ARMC10: variants seen among roughly 807,000 people sequenced by gnomAD.
ARMC10 encodes the protein armadillo repeat containing 10, also known as armadillo repeat-containing protein 10.
Under a neutral mutation model 30.2 loss-of-function variants are expected in ARMC10, and 23 were observed. The observed-to-expected ratio is 0.76, with a 90% CI of 0.55 to 1.08. The LOEUF (loss-of-function observed/expected upper bound fraction) is 1.08, where lower values mean the gene tolerates loss of function less well. Among genes scored for constraint, ARMC10 ranks in the 50% least tolerant of loss-of-function variants. The pLI, the probability that ARMC10 is intolerant of heterozygous loss-of-function variation, is 0.00. For synonymous variants in ARMC10, 111 were observed against 164.4 expected (o/e 0.68, Z 2.48); for missense variants, 303 against 413.7 (o/e 0.73, Z 2.32).
rs1801994220 is a variant in ARMC10 at position 103,098,744 on chromosome 7, G to C, written c.*191G>C. On this transcript the variant is annotated 3_prime_UTR_variant, in exon 7 of 7. Coordinates refer to ENST00000323716, the MANE Select transcript of ARMC10 (RefSeq NM_031905.5). ...TGATGCCAAGTGAATATAAGAGCTT[G>C]TACTGAAACCATTTATTTCTTTCTA... 1.9e-5 allele frequency: 13 copies of C among 678,886 alleles called. No individual in the cohort carries two copies. In the South Asian group the frequency reaches 5.3e-4, roughly 28 times the overall value. 42.1% of individuals were successfully genotyped at this position (678,886 alleles called of 1,614,324 possible).
intron 2 of ARMC10, chr7:103,081,966 C>T: frequency 2.2e-6 from 1 of 456,288 alleles, no homozygotes; most frequent in Non-Finnish European, 4.4e-6. Flanking sequence ...CTACTAACTA[C>T]CCCTGTGACT....
rs956002093 is a variant in ARMC10 at position 103,092,540 on chromosome 7, G to A, written c.592G>A (p.Ala198Thr). The change falls in exon 5 of 7, where the codon GCT becomes ACT. Residue 198 changes from alanine to threonine, a missense_variant. Physicochemically the swap from Ala to Thr is moderately conservative, Grantham distance 58. Transcript: ENST00000323716. ...TCCTCTGAACTCTGCTGTGCAGCTG[G>A]CTGGACTGACATTGTTGACAAACAT... ...SGPLNSAVQL[A>T]GLTLLTNMTV... The A allele has an allele frequency of 3.1e-6, 5 of 1,610,224 alleles. No individual in the cohort carries two copies. The highest frequency in any genetic ancestry group is 2.5e-6 in the Non-Finnish European group (3 of 1,176,922).
intron 3 of ARMC10, among the ~76,000 whole-genome samples, chr7:103,085,606 C>CTTCTTTTT (rs1563322299): frequency 3.1e-5 from 4 of 130,550 alleles, no homozygotes; most frequent in Non-Finnish European, 5.0e-5. Flanking sequence ...CATTTCTCTT[C>CTTCTTTTT]TTTTTTTTTT....
At chr7:103,097,165 C>T in intron 5 of ARMC10, 112 bp from the exon 6 acceptor site, 1 of 858,292 alleles carries the variant, frequency 1.2e-6, no homozygotes, top group Non-Finnish European at 2.0e-6. Flanking sequence ...TTGAGCCAGG[C>T]CTGGAAGCTT....
chr7:103,079,728 T>C (rs1246531525), intron 2 of ARMC10, among the ~76,000 whole-genome samples: 1 of 152,238 alleles, frequency 6.6e-6, no homozygotes, highest in African/African-American at 2.4e-5. Flanking sequence ...CTTGTATACA[T>C]GCAGTAACAA....
intron 5 of ARMC10, chr7:103,096,926 A>G (rs1801804926): frequency 3.8e-6 from 1 of 263,036 alleles, no homozygotes; most frequent in African/African-American, 2.2e-5. Context: ...AATTAGGTTT[A>G]AATAACCGTG....
chr7:103,083,769 C>T lies in ARMC10; in HGVS notation c.332C>T (p.Pro111Leu), dbSNP rs1378225290. ...TACCTGCTGGAGTCAACGGAGGATC[C>T]TGTAATTATTGAAAGAGCTTTGATT... ...LLYLLESTEDPVIIERALITL... is the reference protein window; with the variant it reads ...LLYLLESTEDLVIIERALITL... The change falls in exon 3 of 7, where the codon CCT becomes CTT. Residue 111 changes from proline (P) to leucine (L), a missense_variant. Transcript: ENST00000323716. 1 of 1,614,140 alleles carries T rather than the reference C, an allele frequency of 6.2e-7. No homozygotes were observed. Among genetic ancestry groups the T allele is most frequent in the Non-Finnish European group, 8.5e-7 (1 of 1,179,972 alleles).
chr7:103,098,350 C>A lies in ARMC10; in HGVS notation c.829C>A (p.Leu277Ile). Residue 277 changes from leucine to isoleucine, a missense_variant, in exon 7 of 7, where the codon CTT (leucine) becomes ATT (isoleucine). Leu to Ile is a conservative substitution (Grantham distance 5). This residue lies in a region of ARMC10 where 26 missense variants were observed against 94.7 expected (regional missense o/e 0.27). Coordinates refer to ENST00000323716, the MANE Select transcript of ARMC10 (RefSeq NM_031905.5). ...LYDSHVAKEI[L>I]LRVLTLFQNI... ...TGACAGCCACGTAGCAAAGGAGATT[C>A]TTCTTCGAGTACTTACGCTATTTCA... 1 of 1,612,844 alleles carries A rather than the reference C, an allele frequency of 6.2e-7. No individual in the cohort carries two copies. Among genetic ancestry groups the A allele is most frequent in the South Asian group, 1.1e-5 (1 of 90,750 alleles).
intron 1 of ARMC10, 152 bp downstream of exon 1, chr7:103,075,563 C>A: frequency 9.7e-7 from 1 of 1,028,260 alleles, no homozygotes; most frequent in Non-Finnish European, 1.3e-6. Flanking sequence ...TGCGCCGCCC[C>A]CGCCGCCCCT....
chr7:103,086,619 T>TC lies in ARMC10; in HGVS notation c.394-7dup, dbSNP rs752848262. The TC allele has an allele frequency of 8.3e-6, 13 of 1,572,804 alleles. No individual in the cohort carries two copies. Among genetic ancestry groups the TC allele is most frequent in the South Asian group, 2.4e-5 (2 of 83,160 alleles). On this transcript the variant is annotated splice_polypyrimidine_tract_variant and intron_variant, in intron 3 of 6. Transcript: ENST00000323716. Reference sequence around the variant, plus strand: ...CCCAGTCCTGCTTTTTTTTTTTTTTTCCCCTCGTAGGCTATTATTCGTGAA... The same window carrying TC: ...CCCAGTCCTGCTTTTTTTTTTTTTTTCCCCCTCGTAGGCTATTATTCGTGAA...
In ARMC10 at chr7:103,097,283, GT is replaced by G; in HGVS notation, c.716del (p.Leu239Ter). 6.2e-7 allele frequency: 1 copy of G among 1,613,812 alleles called. No individual in the cohort carries two copies. Among genetic ancestry groups the G allele is most frequent in the South Asian group, 1.1e-5 (1 of 91,066 alleles). ...CAGTATCATCTTCTTTCAGGTGCAA[GT>G]TTTGAAACTGCTTTTGAATTTGTCT... ...LTGNGNTKVQ[V>X]LKLLLNLSEN... On this transcript the variant is annotated frameshift_variant, in exon 6 of 7. Transcript: ENST00000323716. LOFTEE classifies it high-confidence loss of function.
In ARMC10 at chr7:103,075,309, G is replaced by A; in HGVS notation, c.37G>A (p.Gly13Ser). Residue 13 changes from glycine (G) to serine (S), a missense_variant, in exon 1 of 7, where the codon GGC becomes AGC. Coordinates refer to ENST00000323716, the MANE Select transcript of ARMC10 (RefSeq NM_031905.5). ...GPRGAGWVAA[G>S]LLLGAGACYC... ...CCGGGGCGCGGGCTGGGTGGCGGCG[G>A]GCCTGCTGCTCGGCGCGGGCGCCTG... is the stretch of plus-strand genomic sequence containing the variant. The A allele has an allele frequency of 8.1e-7, 1 of 1,233,626 alleles. No homozygotes were observed. The highest frequency in any genetic ancestry group is 1.0e-6 in the Non-Finnish European group (1 of 988,194). The allele number at this position is 1,233,626 out of a possible 1,614,324, so 76.4% of individuals were successfully genotyped here. A position where few individuals can be genotyped will look rare whatever the true frequency, so the allele number is the denominator to read the frequency against.
intron 2 of ARMC10, among the ~76,000 whole-genome samples, chr7:103,082,729 C>T (rs1800498009): frequency 6.6e-6 from 1 of 152,096 alleles, no homozygotes; most frequent in Non-Finnish European, 1.5e-5. Context: ...CCTCCCCCCA[C>T]CACCCCAGTA....
At chr7:103,090,086 G>A (rs895440047) in intron 4 of ARMC10, among the ~76,000 whole-genome samples, 6 of 152,252 alleles carry the variant, frequency 3.9e-5, no homozygotes, top group African/African-American at 1.4e-4. Flanking sequence ...TACAGGTAGA[G>A]TTGGGGAAGG....
intron 4 of ARMC10, 24 bp from the exon 5 acceptor site, chr7:103,092,453 C>G (rs1307351663): frequency 6.6e-7 from 1 of 1,519,960 alleles, no homozygotes; most frequent in South Asian, 1.3e-5. Context: ...TTCTAAGATG[C>G]TCATTTTCCT....
At chr7:103,078,589 A>C (rs1800103732) in intron 2 of ARMC10, among the ~76,000 whole-genome samples, 1 of 152,218 alleles carries the variant, frequency 6.6e-6, no homozygotes, top group South Asian at 2.1e-4. Flanking sequence ...GCAGTTCTTC[A>C]TAGCAGCATG....
intron 4 of ARMC10, among the ~76,000 whole-genome samples, chr7:103,091,832 C>T (rs1255720484): frequency 6.6e-6 from 1 of 152,202 alleles, no homozygotes; most frequent in African/African-American, 2.4e-5. Context: ...TGCATCCCCA[C>T]CTGCTGTCTG....
chr7:103,095,355 A>C (rs1486333171), intron 5 of ARMC10, among the ~76,000 whole-genome samples: 1 of 152,200 alleles, frequency 6.6e-6, no homozygotes, highest in Non-Finnish European at 1.5e-5. Context: ...TGGCCTCCCA[A>C]AGTGCTGGGA....
At chr7:103,097,979 ATGATCT>A (rs1801903877) in intron 6 of ARMC10, among the ~76,000 whole-genome samples, 1 of 152,182 alleles carries the variant, frequency 6.6e-6, no homozygotes, top group African/African-American at 2.4e-5. Context: ...AAACCGTATG[ATGATCT>A]TAAAAAAGAA....
Sources: gnomAD v4.1 joint callset for allele counts (sites outside exome capture counted in the v4.1 genomes callset) on GRCh38, gnomAD v4.1.1 for gene constraint, gnomAD v4.1.1 regional missense constraint, MANE v1.5 for transcripts, NCBI Gene and HGNC (gene_info 2026-07-23, HGNC 2026-07-21) for gene names.